Variants in PDE10A observed in about 807,000 individuals in gnomAD.
The protein encoded by PDE10A is cAMP and cAMP-inhibited cGMP 3',5'-cyclic phosphodiesterase 10A.
A neutral mutation model predicts 97.7 loss-of-function variants in PDE10A; 39 were observed. The observed-to-expected ratio is 0.40, with a 90% CI of 0.31 to 0.52. The LOEUF is 0.52. PDE10A is among the 20% of genes least tolerant of loss of function. The pLI is 0.56. For missense variants in PDE10A, 731 were observed against 1,047.8 expected (o/e 0.70, Z 4.17); for synonymous variants, 371 against 376.8 (o/e 0.98, Z 0.18).
intron 1 of PDE10A, among the ~76,000 whole-genome samples, chr6:165,739,666 T>A (rs780539254): frequency 6.6e-6 from 1 of 151,852 alleles, no homozygotes; most frequent in Non-Finnish European, 1.5e-5. Flanking sequence ...CAAAAAAGCC[T>A]CTGTGTAGCA....
intron 1 of PDE10A, among the ~76,000 whole-genome samples, chr6:165,832,456 T>G (rs1779949000): frequency 6.6e-6 from 1 of 152,318 alleles, no homozygotes; most frequent in East Asian, 1.9e-4. Flanking sequence ...TTCTTTTACT[T>G]AGGATTTTTG....
chr6:165,511,194 T>C (rs1781486306), intron 2 of PDE10A, among the ~76,000 whole-genome samples: 1 of 152,034 alleles, frequency 6.6e-6, no homozygotes, highest in Non-Finnish European at 1.5e-5. Context: ...CTGCTTTTGC[T>C]GTATACGACA....
intron 1 of PDE10A, among the ~76,000 whole-genome samples, chr6:165,742,687 C>A (rs546592867): frequency 1.3e-5 from 2 of 152,212 alleles, no homozygotes; most frequent in African/African-American, 4.8e-5. Context: ...ATCAGGTGAG[C>A]ACGACAGTTC....
intron 1 of PDE10A, among the ~76,000 whole-genome samples, chr6:165,788,470 A>T (rs962743362): frequency 7.0e-6 from 1 of 141,866 alleles, no homozygotes; most frequent in Non-Finnish European, 1.5e-5. Context: ...ATGAGCCGAG[A>T]TCACACCATT....
At chr6:165,442,484 G>A (rs221754) in intron 5 of PDE10A, among the ~76,000 whole-genome samples, 33,088 of 152,078 alleles carry the variant, frequency 0.22, 4,162 homozygotes, top group Admixed American at 0.31. Context: ...GAAGGGAAAC[G>A]GGAAGCAAGG....
chr6:165,335,759 A>C (rs2128174909), intron 21 of PDE10A, among the ~76,000 whole-genome samples: 1 of 152,182 alleles, frequency 6.6e-6, no homozygotes, highest in Middle Eastern at 3.4e-3. Context: ...CGTGGGCATA[A>C]GAAAGCGAGA....
intron 1 of PDE10A, among the ~76,000 whole-genome samples, chr6:165,715,676 G>T (rs1792009222): frequency 6.6e-6 from 1 of 152,168 alleles, no homozygotes; most frequent in Non-Finnish European, 1.5e-5. Flanking sequence ...AGGGGCTAGT[G>T]CATGGATAAT....
intron 1 of PDE10A, among the ~76,000 whole-genome samples, chr6:165,826,519 T>C (rs149471039): frequency 5.8e-5 from 7 of 121,096 alleles, no homozygotes; most frequent in African/African-American, 2.0e-4. Context: ...GTCCCAGTGT[T>C]ACTCTGCCCC....
chr6:165,745,390 T>C (rs868129349), intron 1 of PDE10A, among the ~76,000 whole-genome samples: 1 of 152,246 alleles, frequency 6.6e-6, no homozygotes, highest in Admixed American at 6.5e-5. Context: ...TCAGGTCTTT[T>C]AGCTTTTACT....
intron 1 of PDE10A, among the ~76,000 whole-genome samples, chr6:165,953,215 G>A (rs55688350): frequency 0.016 from 2,381 of 152,224 alleles, 60 homozygotes; most frequent in African/African-American, 0.055. Context: ...TCCAATATCT[G>A]AGGAATTAAA....
chr6:165,543,956 T>C (rs1377381745), intron 1 of PDE10A, among the ~76,000 whole-genome samples: 1 of 152,192 alleles, frequency 6.6e-6, no homozygotes, highest in Non-Finnish European at 1.5e-5. Flanking sequence ...TACATCATGT[T>C]ACATAGCTGT....
At position 165,711,473 on chromosome 6, in the gene PDE10A, G is replaced by A. The variant is rs951936681; in HGVS notation, c.-614-167905C>T. On this transcript the variant is annotated intron_variant, in intron 1 of 19. Coordinates refer to the PDE10A transcript ENST00000366882. The surrounding 1 kb of genome is among the most constrained non-coding windows in gnomAD (Gnocchi z 4.5). Reference sequence around the variant, plus strand: ...CTTCTGGTCTTGTCTGGTGGACTCTGCGAGTTAGCTGTCTGGAGAGGGCCT... The same window carrying A: ...CTTCTGGTCTTGTCTGGTGGACTCTACGAGTTAGCTGTCTGGAGAGGGCCT... Among the ~76,000 whole-genome samples the A allele has an allele frequency of 2.0e-5, 3 of 152,168 alleles. No homozygotes were observed. The highest frequency in any genetic ancestry group is 7.2e-5 in the African/African-American group (3 of 41,436).
At chr6:165,534,464 C>G (rs1381754957) in intron 2 of PDE10A, among the ~76,000 whole-genome samples, 1 of 151,976 alleles carries the variant, frequency 6.6e-6, no homozygotes, top group African/African-American at 2.4e-5. Context: ...CAGCATTATC[C>G]TGATTCCAAA....
chr6:165,676,800 G>A (rs2128438220), intron 1 of PDE10A, among the ~76,000 whole-genome samples: 1 of 152,222 alleles, frequency 6.6e-6, no homozygotes, highest in African/African-American at 2.4e-5. Context: ...CTCTGGGAGG[G>A]CGGAGTGCCG....
intron 5 of PDE10A, among the ~76,000 whole-genome samples, chr6:165,440,029 G>C (rs571906608): frequency 9.1e-4 from 138 of 152,008 alleles, no homozygotes; most frequent in African/African-American, 3.2e-3. Context: ...CTTACAACCA[G>C]TTAAATTTTG....
chr6:165,793,946 A>G (rs535741738), intron 1 of PDE10A, among the ~76,000 whole-genome samples: 8 of 152,274 alleles, frequency 5.3e-5, no homozygotes, highest in Admixed American at 2.6e-4. Flanking sequence ...ATTCTGTAAA[A>G]TAGGTATTAT....
intron 5 of PDE10A, among the ~76,000 whole-genome samples, chr6:165,440,062 A>G (rs1790320627): frequency 6.6e-6 from 1 of 152,180 alleles, no homozygotes; most frequent in Non-Finnish European, 1.5e-5. Flanking sequence ...AAGAAGAAAA[A>G]AAAAGTATTT....
intron 13 of PDE10A, among the ~76,000 whole-genome samples, chr6:165,405,242 T>G (rs1787043039): frequency 1.3e-5 from 2 of 152,198 alleles, no homozygotes; most frequent in Non-Finnish European, 1.5e-5. Flanking sequence ...GAATACTGAC[T>G]TCTCTCTTCC....
At chr6:165,810,197 C>T (rs757504263) in intron 1 of PDE10A, among the ~76,000 whole-genome samples, 17 of 152,094 alleles carry the variant, frequency 1.1e-4, no homozygotes, top group Admixed American at 2.0e-4. Flanking sequence ...GCATTCTGGC[C>T]GGGGAGGAGA....
Sources: gnomAD v4.1 joint callset for allele counts (sites outside exome capture counted in the v4.1 genomes callset) on GRCh38, gnomAD v4.1.1 for gene constraint, Gnocchi (gnomAD v3.1) non-coding constraint, MANE v1.5 for transcripts, NCBI Gene and HGNC (gene_info 2026-07-23, HGNC 2026-07-21) for gene names.